Variants in PTH2R observed in about 807,000 individuals in gnomAD.
PTH2R encodes parathyroid hormone 2 receptor.
Under a neutral mutation model 60.3 loss-of-function variants are expected in PTH2R, and 59 were observed. The observed-to-expected ratio is 0.98, with a 90% CI of 0.79 to 1.22. The LOEUF is 1.22. Ranked by LOEUF, PTH2R falls within the 50% of genes most tolerant of loss-of-function variation. The pLI, the probability that PTH2R is intolerant of heterozygous loss-of-function variation, is 0.00. For missense variants in PTH2R, 749 were observed against 682.6 expected (o/e 1.10, Z -1.08); for synonymous variants, 256 against 243.8 (o/e 1.05, Z -0.47).
intron 12 of PTH2R, 124 bp downstream of exon 12, chr2:208,490,804 T>C: frequency 1.2e-6 from 1 of 854,804 alleles, no homozygotes; most frequent in Non-Finnish European, 1.8e-6. Flanking sequence ...AAGGAAGCTA[T>C]TTTAATCATA....
intron 9 of PTH2R, among the ~76,000 whole-genome samples, chr2:208,465,218 C>T (rs1454009913): frequency 2.6e-5 from 4 of 151,766 alleles, no homozygotes; most frequent in South Asian, 2.1e-4. Context: ...TCAAGCAATC[C>T]ACTCGCCTCT....
chr2:208,431,209 A>G (rs1701965033), intron 2 of PTH2R, among the ~76,000 whole-genome samples: 1 of 152,176 alleles, frequency 6.6e-6, no homozygotes, highest in African/African-American at 2.4e-5. Context: ...CAACTGTTCA[A>G]TCCATCCATT....
Position 208,465,388 on chromosome 2 carries a change from C to CTTTTTTT in PTH2R, c.981+5453_981+5459dup, listed in dbSNP as rs60871321. ...ACATACTTGTTGGCTATTTGTAAGT[C>CTTTTTTT]TTTTTTTTTTTTTTTTTTTTTTTTT... On this transcript the variant is annotated intron_variant, in intron 9 of 12. Coordinates refer to ENST00000272847, the MANE Select transcript of PTH2R (RefSeq NM_005048.4). 1.9e-3 allele frequency among the ~76,000 whole-genome samples: 75 copies of CTTTTTTT among 39,940 alleles called. 8 individuals are homozygous for CTTTTTTT. Among genetic ancestry groups the CTTTTTTT allele is most frequent in the East Asian group, 2.9e-3 (3 of 1,026 alleles). The allele number at this position is 39,940 out of a possible 152,430, so 26.2% of individuals were successfully genotyped here.
At position 208,489,006 on chromosome 2, in the gene PTH2R, C is replaced by G; in HGVS notation, c.1077-6C>G. 6.2e-7 allele frequency: 1 copy of G among 1,613,848 alleles called. No individual in the cohort carries two copies. The highest frequency in any genetic ancestry group is 8.5e-7 in the Non-Finnish European group (1 of 1,179,922). On this transcript the variant is annotated splice_polypyrimidine_tract_variant and splice_region_variant and intron_variant, in intron 10 of 12. Coordinates refer to ENST00000272847, the MANE Select transcript of PTH2R (RefSeq NM_005048.4). The stretch of plus-strand genomic sequence containing the variant: ...ATGAATGAAAAGACTTGCTGTTCTC[C>G]TTTAGGAAACTGGCCAAATCGACAC...
intron 10 of PTH2R, among the ~76,000 whole-genome samples, chr2:208,487,013 G>T (rs1221208024): frequency 6.6e-6 from 1 of 152,102 alleles, no homozygotes; most frequent in Non-Finnish European, 1.5e-5. Flanking sequence ...GATAAGACAG[G>T]CAGAGGACAA....
At chr2:208,475,635 A>G (rs937136088) in intron 9 of PTH2R, among the ~76,000 whole-genome samples, 7 of 152,160 alleles carry the variant, frequency 4.6e-5, no homozygotes, top group African/African-American at 1.7e-4. Flanking sequence ...AGAGATTTTG[A>G]CCTTTAAATA....
chr2:208,460,804 T>C (rs936809130), intron 9 of PTH2R, among the ~76,000 whole-genome samples: 4 of 152,296 alleles, frequency 2.6e-5, no homozygotes, highest in South Asian at 4.1e-4. Context: ...AAAAAATAAT[T>C]ACTATCTTGA....
intron 7 of PTH2R, 51 bp from the exon 8 acceptor site, chr2:208,450,698 C>A (rs758035964): frequency 3.2e-6 from 5 of 1,575,568 alleles, no homozygotes; most frequent in South Asian, 1.1e-5. Context: ...GAGGAAAAAA[C>A]CTCCTTAATC....
chr2:208,491,357 T>C (rs1216162672), intron 12 of PTH2R, among the ~76,000 whole-genome samples: 2 of 152,182 alleles, frequency 1.3e-5, no homozygotes, highest in East Asian at 3.9e-4. Context: ...CTTACTTGTG[T>C]ATTGTTCTTA....
At chr2:208,399,585 A>T (rs1256097551) in intron 1 of PTH2R, among the ~76,000 whole-genome samples, 1 of 152,160 alleles carries the variant, frequency 6.6e-6, no homozygotes, top group Admixed American at 6.5e-5. Flanking sequence ...AACACTTTGC[A>T]CAAGGTGTCA....
intron 6 of PTH2R, 60 bp downstream of exon 6, chr2:208,443,597 AT>A: frequency 7.2e-7 from 1 of 1,380,878 alleles, no homozygotes; most frequent in Non-Finnish European, 9.8e-7. Flanking sequence ...AATAAGTACA[AT>A]TTTACAGTCC....
chr2:208,364,141 T>C (rs1446913176), intron 1 of PTH2R, among the ~76,000 whole-genome samples: 1 of 152,226 alleles, frequency 6.6e-6, no homozygotes, highest in Non-Finnish European at 1.5e-5. Context: ...TTATCAAATA[T>C]GATTTGCAAA....
chr2:208,442,323 A>C (rs771106058), intron 4 of PTH2R, 41 bp from the exon 5 acceptor site: 6 of 1,394,212 alleles, frequency 4.3e-6, no homozygotes, highest in Non-Finnish European at 6.1e-6. Flanking sequence ...TTTATTGGTA[A>C]AATAGTCCCA....
intron 1 of PTH2R, among the ~76,000 whole-genome samples, chr2:208,383,262 T>A (rs1355646805): frequency 2.0e-5 from 3 of 152,174 alleles, no homozygotes; most frequent in Non-Finnish European, 4.4e-5. Flanking sequence ...TTGTTCAGAA[T>A]ATACCAGCTG....
At chr2:208,363,645 G>A (rs1429514911) in intron 1 of PTH2R, among the ~76,000 whole-genome samples, 1 of 152,152 alleles carries the variant, frequency 6.6e-6, no homozygotes, top group Non-Finnish European at 1.5e-5. Context: ...CAGTGTCCAA[G>A]TGTTTCCTTT....
rs761841257 is a variant in PTH2R, at chr2:208,489,004, T to C, written c.1077-8T>C. 1 of 1,613,690 alleles carries C rather than the reference T, an allele frequency of 6.2e-7. No homozygotes were observed. Among genetic ancestry groups the C allele is most frequent in the Non-Finnish European group, 8.5e-7 (1 of 1,179,796 alleles). On this transcript the variant is annotated splice_polypyrimidine_tract_variant and splice_region_variant and intron_variant, in intron 10 of 12. Transcript: ENST00000272847. ...TAATGAATGAAAAGACTTGCTGTTC[T>C]CCTTTAGGAAACTGGCCAAATCGAC...
At chr2:208,438,268 C>A (rs940640985) in intron 4 of PTH2R, among the ~76,000 whole-genome samples, 6 of 152,152 alleles carry the variant, frequency 3.9e-5, no homozygotes, top group Admixed American at 2.0e-4. Context: ...TCCAGAAGGA[C>A]CTTTGCATTT....
At chr2:208,470,120 T>A (rs894648452) in intron 9 of PTH2R, among the ~76,000 whole-genome samples, 1 of 152,198 alleles carries the variant, frequency 6.6e-6, no homozygotes, top group Non-Finnish European at 1.5e-5. Context: ...TACTCTTGGG[T>A]ACTTATGAAA....
chr2:208,446,811 C>T (rs1205023119), intron 7 of PTH2R, among the ~76,000 whole-genome samples: 1 of 152,160 alleles, frequency 6.6e-6, no homozygotes, highest in East Asian at 1.9e-4. Flanking sequence ...GATTTAAAAA[C>T]ATTATTTATA....
Sources: allele counts gnomAD v4.1 joint callset (sites outside exome capture counted in the v4.1 genomes callset), GRCh38; gene constraint gnomAD v4.1.1; transcripts MANE v1.5; gene names NCBI Gene and HGNC (gene_info 2026-07-23, HGNC 2026-07-21).